The following ZMAT4 variants were observed in gnomAD, a reference collection of about 807,000 sequenced individuals.
ZMAT4 encodes the protein zinc finger matrin-type 4.
In ZMAT4, 17 loss-of-function variants were observed where a neutral mutation model predicts 28.7. The ratio of observed to expected loss-of-function variants is 0.59; its 90% CI spans 0.41 to 0.89. The LOEUF is 0.89. ZMAT4 is among the 40% of genes least tolerant of loss of function. The pLI is 0.00. For missense variants in ZMAT4, 240 were observed against 283.8 expected (o/e 0.85, Z 1.11); for synonymous variants, 117 against 109.2 (o/e 1.07, Z -0.44).
intron 6 of ZMAT4, among the ~76,000 whole-genome samples, chr8:40,555,260 T>C (rs939606644): frequency 3.9e-5 from 6 of 152,210 alleles, no homozygotes; most frequent in Admixed American, 1.3e-4. Flanking sequence ...CGATTGCGAA[T>C]ACTGCCACAA....
At chr8:40,731,336 G>A (rs1457746204) in intron 3 of ZMAT4, among the ~76,000 whole-genome samples, 1 of 152,026 alleles carries the variant, frequency 6.6e-6, no homozygotes, top group African/African-American at 2.4e-5. Context: ...CCCAGTAAAA[G>A]GCACAGGCTC....
intron 4 of ZMAT4, among the ~76,000 whole-genome samples, chr8:40,688,973 G>A (rs1259172854): frequency 1.3e-5 from 2 of 152,158 alleles, no homozygotes; most frequent in Middle Eastern, 3.2e-3. Context: ...GAGTATGCCT[G>A]GTGTCAAGAA....
intron 5 of ZMAT4, among the ~76,000 whole-genome samples, chr8:40,653,543 T>G (rs529623273): frequency 6.6e-6 from 1 of 152,176 alleles, no homozygotes; most frequent in East Asian, 1.9e-4. Flanking sequence ...AACTCACAAA[T>G]TACTAAACTA....
Position 40,838,656 on chromosome 8 carries a change from T to C in ZMAT4, c.-4-12976A>G, listed in dbSNP as rs1816587410. Among the ~76,000 whole-genome samples, 3 of 152,170 alleles carry C rather than the reference T, an allele frequency of 2.0e-5. No homozygotes were observed. The South Asian group carries it at 6.2e-4, about 31-fold the overall frequency. The stretch of plus-strand genomic sequence containing the variant: ...CTTCAACCATCCTGCCCACCTACCA[T>C]GGCCAGACTGACTCTCAGTCAATGC... On this transcript the variant is annotated intron_variant, in intron 1 of 6. Transcript: ENST00000297737.
At chr8:40,566,700 A>G (rs975039365) in intron 6 of ZMAT4, among the ~76,000 whole-genome samples, 3 of 152,100 alleles carry the variant, frequency 2.0e-5, no homozygotes, top group Non-Finnish European at 4.4e-5. Context: ...AATTATACTG[A>G]CCAAAAGCTA....
intron 2 of ZMAT4, among the ~76,000 whole-genome samples, chr8:40,812,303 C>T (rs531947873): frequency 1.3e-5 from 2 of 152,146 alleles, no homozygotes; most frequent in South Asian, 2.1e-4. Flanking sequence ...TAAGTCATGT[C>T]GATAGCACGT....
chr8:40,587,879 C>G (rs937529506), intron 5 of ZMAT4, among the ~76,000 whole-genome samples: 1 of 151,940 alleles, frequency 6.6e-6, no homozygotes, highest in Non-Finnish European at 1.5e-5. Context: ...GCACTTCAAA[C>G]ACTTATAGGT....
chr8:40,889,509 G>T (rs1437205807), intron 1 of ZMAT4, among the ~76,000 whole-genome samples: 6 of 152,084 alleles, frequency 3.9e-5, no homozygotes, highest in Non-Finnish European at 7.4e-5. Flanking sequence ...AAAGTTTAAA[G>T]AAATCAAAAG....
intron 4 of ZMAT4, among the ~76,000 whole-genome samples, chr8:40,689,915 A>G (rs1809586482): frequency 6.6e-6 from 1 of 152,154 alleles, no homozygotes; most frequent in African/African-American, 2.4e-5. Context: ...CCACTATGTG[A>G]TCACTTAAAA....
intron 5 of ZMAT4, among the ~76,000 whole-genome samples, chr8:40,601,554 A>G (rs1053503285): frequency 2.2e-5 from 3 of 139,424 alleles, no homozygotes; most frequent in African/African-American, 8.0e-5. Context: ...GGAGTGAGAA[A>G]GAAAGAAAGA....
chr8:40,584,410 G>C (rs534747586), intron 5 of ZMAT4, among the ~76,000 whole-genome samples: 2 of 152,034 alleles, frequency 1.3e-5, no homozygotes, highest in Non-Finnish European at 2.9e-5. Flanking sequence ...TGGAGGAGGG[G>C]ACAATTAACT....
At chr8:40,676,174 A>G (rs530825881) in intron 4 of ZMAT4, among the ~76,000 whole-genome samples, 1 of 152,330 alleles carries the variant, frequency 6.6e-6, no homozygotes, top group African/African-American at 2.4e-5. Context: ...ATATCTAGTG[A>G]TGGGAAAAAC....
At chr8:40,756,133 G>A (rs932103187) in intron 3 of ZMAT4, among the ~76,000 whole-genome samples, 1 of 152,028 alleles carries the variant, frequency 6.6e-6, no homozygotes, top group Admixed American at 6.6e-5. Context: ...AGTGGGGGAA[G>A]ATAAAAAGCA....
At chr8:40,820,381 T>TA (rs1815716525) in intron 2 of ZMAT4, among the ~76,000 whole-genome samples, 2 of 141,258 alleles carry the variant, frequency 1.4e-5, no homozygotes, top group Admixed American at 1.4e-4. Context: ...TGTGTGGGTG[T>TA]GTAGAGGTGT....
intron 2 of ZMAT4, among the ~76,000 whole-genome samples, chr8:40,797,879 G>A (rs1228119670): frequency 6.6e-6 from 1 of 152,174 alleles, no homozygotes; most frequent in East Asian, 1.9e-4. Flanking sequence ...TTGGATATGG[G>A]GCAAGACCTT....
chr8:40,875,467 C>T (rs566046672), intron 1 of ZMAT4, among the ~76,000 whole-genome samples: 1 of 152,314 alleles, frequency 6.6e-6, no homozygotes, highest in South Asian at 2.1e-4. Context: ...AAGGAACTGA[C>T]AGTCAATACA....
At chr8:40,619,978 T>C (rs80167617) in intron 5 of ZMAT4, among the ~76,000 whole-genome samples, 2,047 of 152,316 alleles carry the variant, frequency 0.013, 49 homozygotes, top group African/African-American at 0.047. Flanking sequence ...GAATCACTTA[T>C]AACAAGGAAA....
At chr8:40,881,410 G>T (rs541686511) in intron 1 of ZMAT4, among the ~76,000 whole-genome samples, 2 of 130,818 alleles carry the variant, frequency 1.5e-5, no homozygotes, top group South Asian at 5.0e-4. Context: ...GAGAGAGAAA[G>T]AAAGGAAGAA....
chr8:40,874,501 C>T (rs564340655), intron 1 of ZMAT4, among the ~76,000 whole-genome samples: 10 of 152,334 alleles, frequency 6.6e-5, no homozygotes, highest in East Asian at 1.9e-4. Context: ...CCACCTGCCT[C>T]GAATCTCACA....
Sources: gnomAD v4.1 joint callset for allele counts (sites outside exome capture counted in the v4.1 genomes callset) on GRCh38, gnomAD v4.1.1 for gene constraint, MANE v1.5 for transcripts, NCBI Gene and HGNC (gene_info 2026-07-23, HGNC 2026-07-21) for gene names.